The following BCAS1 variants were observed in gnomAD, a reference collection of about 807,000 sequenced individuals.
BCAS1 encodes brain enriched myelin associated protein 1.
A neutral mutation model predicts 65.4 loss-of-function variants in BCAS1; 46 were observed. That is an observed-to-expected ratio of 0.70 (90% CI 0.55 to 0.90). BCAS1 has a LOEUF of 0.90. Among genes scored for constraint, BCAS1 ranks in the 40% least tolerant of loss-of-function variants. The pLI, the probability that BCAS1 is intolerant of heterozygous loss-of-function variation, is 0.00. For synonymous variants in BCAS1, 298 were observed against 293.5 expected (o/e 1.02, Z -0.16); for missense variants, 793 against 771.2 (o/e 1.03, Z -0.33).
At chr20:54,035,523 A>G (rs569673405) in intron 3 of BCAS1, among the ~76,000 whole-genome samples, 11 of 151,208 alleles carry the variant, frequency 7.3e-5, no homozygotes, top group Non-Finnish European at 1.6e-4. Context: ...ATCTAATACC[A>G]GTCAGAATGA....
intron 4 of BCAS1, among the ~76,000 whole-genome samples, chr20:54,020,059 C>A (rs1320205324): frequency 2.6e-5 from 4 of 152,184 alleles, no homozygotes; most frequent in African/African-American, 9.7e-5. Flanking sequence ...ACTAATACAA[C>A]TAACTTTAGA....
At chr20:53,946,530 CAT>C (rs1444361350) in intron 12 of BCAS1, among the ~76,000 whole-genome samples, 3 of 148,788 alleles carry the variant, frequency 2.0e-5, no homozygotes, top group South Asian at 2.1e-4. Context: ...TACACACACA[CAT>C]AGAGAGAGTA....
At chr20:54,033,070 T>C (rs919628902) in intron 3 of BCAS1, among the ~76,000 whole-genome samples, 1 of 151,080 alleles carries the variant, frequency 6.6e-6, no homozygotes, top group Non-Finnish European at 1.5e-5. Flanking sequence ...ATAATAAAAT[T>C]AAGGCAGAAA....
chr20:54,058,783 T>G, intron 1 of BCAS1, 60 bp from the exon 2 acceptor site: 1 of 1,594,878 alleles, frequency 6.3e-7, no homozygotes, highest in Non-Finnish European at 8.5e-7. Context: ...AAGCTACATG[T>G]GCTACTAAGG....
At chr20:54,041,949 G>A (rs752964312) in intron 3 of BCAS1, among the ~76,000 whole-genome samples, 2 of 132,648 alleles carry the variant, frequency 1.5e-5, no homozygotes, top group Non-Finnish European at 3.3e-5. Context: ...CATATAGATC[G>A]TCGGTGGGAG....
In BCAS1 at chr20:54,036,709, C is replaced by T. The variant is rs144627326; in HGVS notation, c.143-7737G>A. Among the ~76,000 whole-genome samples the T allele has an allele frequency of 6.6e-5, 10 of 151,210 alleles. No individual in the cohort carries two copies. In the East Asian group the frequency reaches 1.4e-3, roughly 20 times the overall value. On this transcript the variant is annotated intron_variant, in intron 3 of 12. Transcript: ENST00000688948. ...CACAGGCTGGTAGATGATTGGTATT[C>T]GGTAAACAGTAGTTATTTTTGTTAT...
intron 4 of BCAS1, among the ~76,000 whole-genome samples, chr20:54,017,297 T>C (rs1373607104): frequency 6.6e-6 from 1 of 152,166 alleles, no homozygotes; most frequent in Non-Finnish European, 1.5e-5. Flanking sequence ...TCTTCTCTTG[T>C]TTCCCTTTTG....
intron 1 of BCAS1, chr20:54,068,403 A>G (rs1476229556): frequency 1.3e-5 from 2 of 154,404 alleles, no homozygotes; most frequent in African/African-American, 2.4e-5. Context: ...GGGTGAGCAT[A>G]GCAGGACACA....
chr20:54,048,520 T>C (rs1331694385), intron 3 of BCAS1, among the ~76,000 whole-genome samples: 1 of 152,044 alleles, frequency 6.6e-6, no homozygotes, highest in African/African-American at 2.4e-5. Flanking sequence ...AAAAAAATGG[T>C]GGCAAAGTTT....
At chr20:54,035,748 T>C (rs937621873) in intron 3 of BCAS1, among the ~76,000 whole-genome samples, 1 of 151,286 alleles carries the variant, frequency 6.6e-6, no homozygotes, top group African/African-American at 2.4e-5. Context: ...TAAAGATACA[T>C]GCATGTGTAT....
intron 9 of BCAS1, among the ~76,000 whole-genome samples, chr20:53,972,706 A>C (rs771651609): frequency 1.3e-5 from 2 of 152,212 alleles, no homozygotes; most frequent in African/African-American, 2.4e-5. Context: ...CATGAGCTAC[A>C]GTTTGCTGAT....
At chr20:54,069,634 C>A (rs2092490423) in intron 1 of BCAS1, among the ~76,000 whole-genome samples, 1 of 152,192 alleles carries the variant, frequency 6.6e-6, no homozygotes, top group Non-Finnish European at 1.5e-5. Flanking sequence ...ACAGCGAAAA[C>A]AAGAACCACA....
At chr20:53,950,449 A>C (rs2089483024) in intron 12 of BCAS1, among the ~76,000 whole-genome samples, 1 of 146,912 alleles carries the variant, frequency 6.8e-6, no homozygotes, top group African/African-American at 2.5e-5. Flanking sequence ...GCCCCCAGAC[A>C]CACTCAGGCA....
chr20:53,945,235 G>T (rs985309790), intron 12 of BCAS1, among the ~76,000 whole-genome samples: 7 of 152,050 alleles, frequency 4.6e-5, no homozygotes, highest in Non-Finnish European at 1.0e-4. Flanking sequence ...TTGCGCTTTG[G>T]TTTCTTTATC....
intron 5 of BCAS1, among the ~76,000 whole-genome samples, chr20:53,995,300 A>G (rs1600814187): frequency 6.6e-6 from 1 of 152,294 alleles, no homozygotes; most frequent in Admixed American, 6.5e-5. Flanking sequence ...CACATTCAAA[A>G]TTGTCTCCTG....
At chr20:54,013,441 C>A (rs531471467) in intron 4 of BCAS1, among the ~76,000 whole-genome samples, 1 of 152,214 alleles carries the variant, frequency 6.6e-6, no homozygotes, top group Admixed American at 6.5e-5. Flanking sequence ...CAAAAACATT[C>A]ATTGGCCAAG....
At chr20:54,064,601 A>G (rs1601050937) in intron 1 of BCAS1, among the ~76,000 whole-genome samples, 1 of 152,126 alleles carries the variant, frequency 6.6e-6, no homozygotes, top group South Asian at 2.1e-4. Context: ...CAGATGCCCC[A>G]CCGGAGGTGG....
chr20:53,993,181 G>T (rs188780100), intron 6 of BCAS1, among the ~76,000 whole-genome samples: 60 of 152,236 alleles, frequency 3.9e-4, no homozygotes, highest in African/African-American at 1.3e-3. Flanking sequence ...GTAGACCCCC[G>T]CCAGGCAGAG....
At chr20:53,949,964 T>A (rs2089461023) in intron 12 of BCAS1, among the ~76,000 whole-genome samples, 1 of 152,192 alleles carries the variant, frequency 6.6e-6, no homozygotes, top group South Asian at 2.1e-4. Flanking sequence ...CCAATCTCCA[T>A]CAGCTCTCCC....
Sources: allele counts gnomAD v4.1 joint callset (sites outside exome capture counted in the v4.1 genomes callset), GRCh38; gene constraint gnomAD v4.1.1; transcripts MANE v1.5; gene names NCBI Gene and HGNC (gene_info 2026-07-23, HGNC 2026-07-21).